CEP89: variants seen among roughly 807,000 people sequenced by gnomAD.
The protein encoded by CEP89 is centrosomal protein 89.
Under a neutral mutation model 97.6 loss-of-function variants are expected in CEP89, and 95 were observed. That is an observed-to-expected ratio of 0.97 (90% CI 0.82 to 1.15). The LOEUF (loss-of-function observed/expected upper bound fraction) is 1.15, where lower values mean the gene tolerates loss of function less well. Among genes scored for constraint, CEP89 ranks in the 50% most tolerant of loss-of-function variants. The probability of loss-of-function intolerance (pLI) is 0.00; values close to 1 mark genes in which losing one functional copy is unlikely to be tolerated. For missense variants in CEP89, 869 were observed against 947.7 expected (o/e 0.92, Z 1.09); for synonymous variants, 354 against 349.1 (o/e 1.01, Z -0.16).
chr19:32,881,460 G>A (rs1969278991), intron 18 of CEP89, among the ~76,000 whole-genome samples: 1 of 151,464 alleles, frequency 6.6e-6, no homozygotes. Context: ...AATCCGGGAG[G>A]CGGAGGTTGC....
intron 3 of CEP89, among the ~76,000 whole-genome samples, chr19:32,959,071 T>G (rs1223536402): frequency 6.7e-6 from 1 of 149,356 alleles, no homozygotes; most frequent in East Asian, 1.9e-4. Context: ...CAGACAAATG[T>G]GATCGTGGAT....
At chr19:32,894,711 C>A (rs1427527266) in intron 16 of CEP89, among the ~76,000 whole-genome samples, 3 of 152,224 alleles carry the variant, frequency 2.0e-5, no homozygotes, top group African/African-American at 7.2e-5. Context: ...ACCTTTCACA[C>A]TTGACCTCAC....
chr19:32,939,556 C>A (rs192138443), intron 6 of CEP89, among the ~76,000 whole-genome samples: 1 of 150,906 alleles, frequency 6.6e-6, no homozygotes, highest in South Asian at 2.1e-4. Context: ...CATGCATCTG[C>A]GATCCCAGCT....
rs71301617 is a variant in CEP89 at position 32,913,639 on chromosome 19, C to CTT, written c.1565+1696_1565+1697dup. On this transcript the variant is annotated intron_variant, in intron 14 of 18. Coordinates refer to ENST00000305768, the MANE Select transcript of CEP89 (RefSeq NM_032816.5). ...GGTTACACACACACATACACACACA[C>CTT]TTTTTTTTTTTTTTTTGAGACAAAG... Among the ~76,000 whole-genome samples the CTT allele has an allele frequency of 8.8e-3, 1,222 of 138,198 alleles. 15 individuals are homozygous for CTT. Among genetic ancestry groups the CTT allele is most frequent in the African/African-American group, 0.026 (960 of 36,968 alleles). 90.7% of individuals were successfully genotyped at this position (138,198 alleles called of 152,430 possible).
chr19:32,911,267 A>G (rs1257898682), intron 14 of CEP89, among the ~76,000 whole-genome samples: 1 of 152,236 alleles, frequency 6.6e-6, no homozygotes. Flanking sequence ...CACTGCCACA[A>G]AAACACATTG....
intron 11 of CEP89, 34 bp from the exon 12 acceptor site, chr19:32,923,576 C>G: frequency 8.1e-7 from 1 of 1,227,366 alleles, no homozygotes; most frequent in African/African-American, 1.5e-5. Flanking sequence ...ATAACACACA[C>G]ATACCCACGC....
In CEP89 at chr19:32,907,772, A is replaced by G. The variant is rs549985259; in HGVS notation, c.1566-6360T>C. ...TGGCCAATTTTTGTAATTTTAGTAG[A>G]GACAGGCTTTTGCCATGTTGGCCAG... On this transcript the variant is annotated intron_variant, in intron 14 of 18. Coordinates refer to ENST00000305768, the MANE Select transcript of CEP89 (RefSeq NM_032816.5). 2.6e-5 allele frequency among the ~76,000 whole-genome samples: 4 copies of G among 152,218 alleles called. No homozygotes were observed. In the East Asian group the frequency reaches 7.7e-4, roughly 29 times the overall value.
chr19:32,917,336 G>A (rs1970147764), intron 13 of CEP89, among the ~76,000 whole-genome samples: 1 of 152,166 alleles, frequency 6.6e-6, no homozygotes, highest in African/African-American at 2.4e-5. Context: ...ACTCCTGTGT[G>A]CATCTCTGGG....
chr19:32,885,052 G>T (rs1436422264), intron 17 of CEP89, among the ~76,000 whole-genome samples: 1 of 152,078 alleles, frequency 6.6e-6, no homozygotes, highest in Non-Finnish European at 1.5e-5. Flanking sequence ...GCTTAAGTAT[G>T]CTTAAGCTCG....
chr19:32,889,975 A>G (rs1969479352), intron 16 of CEP89, among the ~76,000 whole-genome samples: 1 of 152,056 alleles, frequency 6.6e-6, no homozygotes, highest in Admixed American at 6.5e-5. Context: ...TGGGCCAGAC[A>G]CTTGAGTGCC....
At chr19:32,941,405 A>G (rs1970683704) in intron 5 of CEP89, among the ~76,000 whole-genome samples, 1 of 152,118 alleles carries the variant, frequency 6.6e-6, no homozygotes, top group Non-Finnish European at 1.5e-5. Context: ...TGGGCGGCTG[A>G]GGCAGGAGAA....
At chr19:32,902,048 G>GTGTGTGTA (rs1555789244) in intron 14 of CEP89, among the ~76,000 whole-genome samples, 7 of 149,936 alleles carry the variant, frequency 4.7e-5, no homozygotes, top group African/African-American at 1.8e-4. Context: ...GTGTGTGTAT[G>GTGTGTGTA]TGTGTGTATA....
chr19:32,970,203 C>T (rs934419), intron 1 of CEP89: 17,084 of 152,372 alleles, frequency 0.11, 1,169 homozygotes, highest in East Asian at 0.29. Flanking sequence ...TCCAGGCTGA[C>T]GTCACTGCCC....
chr19:32,931,062 A>AT (rs1449724878), intron 9 of CEP89: 16 of 253,802 alleles, frequency 6.3e-5, no homozygotes, highest in African/African-American at 3.6e-4. Flanking sequence ...ATTTTTTTAA[A>AT]TTTTTTATTT....
intron 16 of CEP89, among the ~76,000 whole-genome samples, chr19:32,896,520 G>C (rs1969644991): frequency 6.6e-6 from 1 of 152,014 alleles, no homozygotes; most frequent in African/African-American, 2.4e-5. Context: ...AAAACTACTA[G>C]AAGAAAACAT....
Position 32,915,470 on chromosome 19 carries a change from C to A in CEP89, c.1432G>T (p.Gly478Cys), listed in dbSNP as rs768932479. The A allele has an allele frequency of 1.2e-6, 2 of 1,612,888 alleles. No homozygotes were observed. Among genetic ancestry groups the A allele is most frequent in the Non-Finnish European group, 1.7e-6 (2 of 1,179,804 alleles). ...TTCTCCGCCAGCTCCTTTTCCTGGC[C>A]GTGGGTTTTTGCCTCCAGGAGCATT... The part of the protein sequence containing the change: ...QLMLLEAKTH[G>C]QEKELAENRE... The change falls in exon 14 of 19, where the codon GGC (glycine) becomes TGC (cysteine). Residue 478 changes from glycine to cysteine, a missense_variant. By Grantham distance (159) the Gly-to-Cys change is radical. Coordinates refer to ENST00000305768, the MANE Select transcript of CEP89 (RefSeq NM_032816.5).
chr19:32,935,413 A>C (rs2145933409), intron 7 of CEP89, among the ~76,000 whole-genome samples: 1 of 152,342 alleles, frequency 6.6e-6, no homozygotes, highest in Non-Finnish European at 1.5e-5. Flanking sequence ...CTAAGACTGG[A>C]TGCGCATGGT....
intron 6 of CEP89, among the ~76,000 whole-genome samples, chr19:32,938,448 A>T (rs1970621844): frequency 6.6e-6 from 1 of 152,152 alleles, no homozygotes; most frequent in Admixed American, 6.6e-5. Flanking sequence ...TCTCAACCCC[A>T]AACCTAGAGG....
intron 12 of CEP89, among the ~76,000 whole-genome samples, chr19:32,919,726 G>A (rs1383645300): frequency 6.6e-6 from 1 of 152,196 alleles, no homozygotes; most frequent in Non-Finnish European, 1.5e-5. Flanking sequence ...GTGCAGTGGT[G>A]AAATCTTGGC....
Sources: gnomAD v4.1 joint callset for allele counts (sites outside exome capture counted in the v4.1 genomes callset) on GRCh38, gnomAD v4.1.1 for gene constraint, MANE v1.5 for transcripts, NCBI Gene and HGNC (gene_info 2026-07-23, HGNC 2026-07-21) for gene names.